BCL9: variants seen among roughly 807,000 people sequenced by gnomAD.
BCL9 encodes BCL9 transcription coactivator.
In BCL9, 25 loss-of-function variants were observed where a neutral mutation model predicts 88.5. The observed-to-expected ratio is 0.28, with a 90% CI of 0.21 to 0.39. The LOEUF is 0.39. Ranked by LOEUF, BCL9 falls within the 10% of genes least tolerant of loss-of-function variation. The pLI, the probability that BCL9 is intolerant of heterozygous loss-of-function variation, is 1.00. For missense variants in BCL9, 1,817 were observed against 1,877.8 expected (o/e 0.97, Z 0.60); for synonymous variants, 711 against 673.3 (o/e 1.06, Z -0.87).
Position 147,623,982 on chromosome 1 carries a change from A to G in BCL9, c.3304A>G (p.Ile1102Val). ...CTCTCCAAATGCCGTGGGACCCAACATACCTCCTCATGGGGTCCCAATGGG... is the reference window on the plus strand; with the variant it reads ...CTCTCCAAATGCCGTGGGACCCAACGTACCTCCTCATGGGGTCCCAATGGG... ...MPSPNAVGPN[I>V]PPHGVPMGPG... Residue 1102 changes from isoleucine to valine, a missense_variant, in exon 10 of 10, where the codon ATA (isoleucine) becomes GTA (valine). Ile to Val is a conservative substitution (Grantham distance 29, BLOSUM62 3). Coordinates refer to ENST00000234739, the MANE Select transcript of BCL9 (RefSeq NM_004326.4). 1 of 1,614,158 alleles carries G rather than the reference A, an allele frequency of 6.2e-7. No homozygotes were observed. Among genetic ancestry groups the G allele is most frequent in the African/African-American group, 1.3e-5 (1 of 75,030 alleles).
intron 1 of BCL9, among the ~76,000 whole-genome samples, chr1:147,574,392 G>A (rs1420850969): frequency 2.0e-5 from 3 of 152,252 alleles, no homozygotes; most frequent in African/African-American, 7.2e-5. Flanking sequence ...AATCTGTGTA[G>A]ACAAATGAAG....
Position 147,621,066 on chromosome 1 carries a change from G to C in BCL9, c.2902+9G>C. The C allele has an allele frequency of 6.2e-7, 1 of 1,605,890 alleles. No individual in the cohort carries two copies. Among genetic ancestry groups the C allele is most frequent in the Non-Finnish European group, 8.5e-7 (1 of 1,176,280 alleles). On this transcript the variant is annotated intron_variant, in intron 8 of 9. Transcript: ENST00000234739. Reference sequence around the variant, plus strand: ...GGGAAATGTAGAGTCAGGTCAGTATGCTTGCATCCTCACAGTTGCACCTAG... The same window carrying C: ...GGGAAATGTAGAGTCAGGTCAGTATCCTTGCATCCTCACAGTTGCACCTAG...
At chr1:147,556,491 G>A (rs1390333861) in intron 1 of BCL9, among the ~76,000 whole-genome samples, 8 of 150,780 alleles carry the variant, frequency 5.3e-5, no homozygotes, top group Admixed American at 2.0e-4. Flanking sequence ...TCCCTCTGTC[G>A]CCCAGGCTGG....
intron 1 of BCL9, among the ~76,000 whole-genome samples, chr1:147,581,388 C>T (rs1656363687): frequency 6.6e-6 from 1 of 152,222 alleles, no homozygotes; most frequent in Admixed American, 6.5e-5. Context: ...ATTCCTCATC[C>T]TCATTCCTGT....
chr1:147,585,378 G>A (rs1656555533), intron 1 of BCL9, among the ~76,000 whole-genome samples: 1 of 152,150 alleles, frequency 6.6e-6, no homozygotes, highest in African/African-American at 2.4e-5. Flanking sequence ...GACCTCAGGG[G>A]TGTGACATGT....
chr1:147,608,016 G>T (rs1553202190), intron 3 of BCL9, among the ~76,000 whole-genome samples: 1 of 152,136 alleles, frequency 6.6e-6, no homozygotes. Flanking sequence ...GACCTGCAAA[G>T]GAAGCAGATA....
intron 1 of BCL9, among the ~76,000 whole-genome samples, chr1:147,581,490 G>A (rs1656368358): frequency 6.6e-6 from 1 of 152,310 alleles, no homozygotes; most frequent in Admixed American, 6.5e-5. Context: ...TAAAACAAAA[G>A]AAGCAAGTGC....
At chr1:147,593,425 C>T (rs1355992103) in intron 1 of BCL9, among the ~76,000 whole-genome samples, 2 of 152,140 alleles carry the variant, frequency 1.3e-5, no homozygotes, top group African/African-American at 4.8e-5. Context: ...CTTTAAGATT[C>T]CACTCAGGTC....
In BCL9 at chr1:147,611,720, A is replaced by C. The variant is rs1188658045; in HGVS notation, c.-117A>C. 1 of 955,712 alleles carries C rather than the reference A, an allele frequency of 1.0e-6. No individual in the cohort carries two copies. The highest frequency in any genetic ancestry group is 2.4e-5 in the East Asian group (1 of 41,712). 59.2% of individuals were successfully genotyped at this position (955,712 alleles called of 1,614,324 possible). On this transcript the variant is annotated 5_prime_UTR_variant, in exon 4 of 10. Coordinates refer to ENST00000234739, the MANE Select transcript of BCL9 (RefSeq NM_004326.4). ...GCATACAGGCAGCGAGCGCTAAGGG[A>C]CGCACCCAGCAAGCAGTGGGCCAGT...
At chr1:147,553,430 CT>C (rs1372616106) in intron 1 of BCL9, among the ~76,000 whole-genome samples, 1 of 152,182 alleles carries the variant, frequency 6.6e-6, no homozygotes, top group Non-Finnish European at 1.5e-5. Context: ...CTATATTCTA[CT>C]TTGCTTAGAA....
At chr1:147,551,412 A>G (rs1239391342) in intron 1 of BCL9, among the ~76,000 whole-genome samples, 2 of 152,242 alleles carry the variant, frequency 1.3e-5, no homozygotes, top group East Asian at 3.8e-4. Context: ...AATGAAGGAT[A>G]GTGGCAGGCA....
chr1:147,614,795 T>C (rs1209946167), intron 6 of BCL9, among the ~76,000 whole-genome samples, 179 bp downstream of exon 6: 3 of 152,044 alleles, frequency 2.0e-5, no homozygotes, highest in African/African-American at 7.2e-5. Flanking sequence ...TTTGCTTCCC[T>C]TTCAGAAATT....
rs150661155 is a variant in BCL9, at chr1:147,617,794, G to GA, written c.661-1016dup. 6.5e-3 allele frequency among the ~76,000 whole-genome samples: 987 copies of GA among 152,180 alleles called. 16 individuals carry two copies. The highest frequency in any genetic ancestry group is 0.023 in the African/African-American group (938 of 41,524). On this transcript the variant is annotated intron_variant, in intron 7 of 9. Coordinates refer to ENST00000234739, the MANE Select transcript of BCL9 (RefSeq NM_004326.4). Reference sequence around the variant, plus strand: ...GAACAAGTAGGAGCAAATGAACACGGAAAAAAGGGTCTGGAGAAAGGCCTT... The same window carrying GA: ...GAACAAGTAGGAGCAAATGAACACGGAAAAAAAGGGTCTGGAGAAAGGCCTT...
At chr1:147,583,193 C>A (rs1397612429) in intron 1 of BCL9, among the ~76,000 whole-genome samples, 4 of 152,078 alleles carry the variant, frequency 2.6e-5, no homozygotes, top group Non-Finnish European at 4.4e-5. Flanking sequence ...ATATTAATGT[C>A]TTTTCAGTCA....
chr1:147,608,332 T>TTTC (rs1657830139), intron 3 of BCL9, among the ~76,000 whole-genome samples: 1 of 141,350 alleles, frequency 7.1e-6, no homozygotes, highest in Non-Finnish European at 1.5e-5. Flanking sequence ...TTGTTTTGCT[T>TTTC]TTTTTTTTTT....
chr1:147,578,428 G>A (rs1248692656), intron 1 of BCL9, among the ~76,000 whole-genome samples: 1 of 152,142 alleles, frequency 6.6e-6, no homozygotes. Context: ...TTACCTTGAT[G>A]CTATGTGTAT....
chr1:147,576,915 A>G (rs782469497), intron 1 of BCL9, among the ~76,000 whole-genome samples: 42 of 152,200 alleles, frequency 2.8e-4, no homozygotes, highest in Non-Finnish European at 5.0e-4. Flanking sequence ...TCTATCCGTT[A>G]TCGTCAAAAG....
intron 1 of BCL9, among the ~76,000 whole-genome samples, chr1:147,564,053 C>T (rs1655498201): frequency 6.6e-6 from 1 of 152,160 alleles, no homozygotes; most frequent in Non-Finnish European, 1.5e-5. Flanking sequence ...GGGTGGGAAT[C>T]TTCACTTCCT....
intron 5 of BCL9, among the ~76,000 whole-genome samples, chr1:147,613,455 C>T (rs587677432): frequency 1.3e-5 from 2 of 152,310 alleles, no homozygotes; most frequent in South Asian, 4.1e-4. Flanking sequence ...TAGGATGTTT[C>T]ACAGGCCTAT....
Sources: allele counts gnomAD v4.1 joint callset (sites outside exome capture counted in the v4.1 genomes callset), GRCh38; gene constraint gnomAD v4.1.1; transcripts MANE v1.5; gene names NCBI Gene and HGNC (gene_info 2026-07-23, HGNC 2026-07-21).